PDZRN4: variants seen among roughly 807,000 people sequenced by gnomAD.
The protein encoded by PDZRN4 is PDZ domain-containing RING finger protein 4.
A neutral mutation model predicts 99.0 loss-of-function variants in PDZRN4; 70 were observed. The ratio of observed to expected loss-of-function variants is 0.71; its 90% CI spans 0.58 to 0.86. The LOEUF is 0.86. Ranked by LOEUF, PDZRN4 falls within the 40% of genes least tolerant of loss-of-function variation. The probability of loss-of-function intolerance (pLI) is 0.00; values close to 1 mark genes in which losing one functional copy is unlikely to be tolerated. For synonymous variants in PDZRN4, 551 were observed against 501.6 expected, an observed-to-expected ratio of 1.10 and a Z score of -1.32; for missense variants, 1,474 against 1,331.2, an observed-to-expected ratio of 1.11 and a Z score of -1.67.
chr12:41,285,367 GA>G (rs1250531775), intron 3 of PDZRN4, among the ~76,000 whole-genome samples: 2 of 152,184 alleles, frequency 1.3e-5, no homozygotes, highest in African/African-American at 4.8e-5. Context: ...AGAACCTGCA[GA>G]GGATGTGGAG....
At chr12:41,552,823 T>C in intron 6 of PDZRN4, 69 bp downstream of exon 6, 1 of 1,208,678 alleles carries the variant, frequency 8.3e-7, no homozygotes, top group East Asian at 2.4e-5. Context: ...TGACTCACAA[T>C]GAGAAAACCC....
chr12:41,316,717 C>A (rs1195324098), intron 3 of PDZRN4, among the ~76,000 whole-genome samples: 1 of 151,810 alleles, frequency 6.6e-6, no homozygotes, highest in African/African-American at 2.4e-5. Context: ...AATCCAATTA[C>A]CTCCTATAAA....
chr12:41,389,976 G>A (rs1020621248), intron 3 of PDZRN4, among the ~76,000 whole-genome samples: 6 of 152,116 alleles, frequency 3.9e-5, no homozygotes, highest in Admixed American at 6.6e-5. Context: ...AGGTAATGTC[G>A]AAAAGGACAG....
chr12:41,295,390 T>A (rs1392255630), intron 3 of PDZRN4, among the ~76,000 whole-genome samples: 1 of 152,072 alleles, frequency 6.6e-6, no homozygotes, highest in Admixed American at 6.6e-5. Flanking sequence ...TTGATTTAAC[T>A]CAAAGATAAA....
intron 4 of PDZRN4, among the ~76,000 whole-genome samples, chr12:41,507,268 A>G (rs555167868): frequency 6.6e-6 from 1 of 152,290 alleles, no homozygotes; most frequent in South Asian, 2.1e-4. Flanking sequence ...GTATAGTGCT[A>G]TCAAATAAAG....
chr12:41,307,794 G>A (rs947500144), intron 3 of PDZRN4, among the ~76,000 whole-genome samples: 18 of 151,818 alleles, frequency 1.2e-4, no homozygotes, highest in African/African-American at 3.9e-4. Flanking sequence ...TACTTTACAC[G>A]TACTGATACC....
intron 3 of PDZRN4, among the ~76,000 whole-genome samples, chr12:41,349,982 T>TA (rs895359136): frequency 5.9e-5 from 9 of 151,622 alleles, no homozygotes; most frequent in African/African-American, 1.2e-4. Flanking sequence ...GCAACACAAT[T>TA]AAAAAAAATG....
At chr12:41,565,531 C>A (rs1056409172) in intron 8 of PDZRN4, among the ~76,000 whole-genome samples, 5 of 141,568 alleles carry the variant, frequency 3.5e-5, no homozygotes, top group Non-Finnish European at 6.1e-5. Flanking sequence ...TTTTTTTTTG[C>A]GTGTGTATTT....
chr12:41,533,670 A>G (rs1938701752), intron 5 of PDZRN4, among the ~76,000 whole-genome samples: 2 of 152,106 alleles, frequency 1.3e-5, no homozygotes, highest in Non-Finnish European at 2.9e-5. Context: ...GAAGCTTCTA[A>G]TTACAGGTGT....
intron 3 of PDZRN4, among the ~76,000 whole-genome samples, chr12:41,233,524 A>G (rs1276382434): frequency 6.6e-6 from 1 of 152,150 alleles, no homozygotes; most frequent in East Asian, 1.9e-4. Context: ...AATAGCAAAG[A>G]CTTGGAACCA....
At chr12:41,413,220 G>A (rs35766123) in intron 3 of PDZRN4, 73,302 of 151,994 alleles carry the variant, frequency 0.48, 17,997 homozygotes, top group African/African-American at 0.58. Context: ...TCACAGCAAC[G>A]TGGATAGAAC....
rs961748853 is a variant in PDZRN4, at chr12:41,323,896, C to G, written c.843+129708C>G. ...TGAGTTAATATATTATTATTAAACT[C>G]AAACAGAAAACACGTTATAAAGATA... On this transcript the variant is annotated intron_variant, in intron 3 of 9. Coordinates refer to ENST00000402685, the MANE Select transcript of PDZRN4 (RefSeq NM_001164595.2). Among the ~76,000 whole-genome samples, 5 of 151,950 alleles carry G rather than the reference C, an allele frequency of 3.3e-5. 1 individual carries two copies. The highest frequency in any genetic ancestry group is 1.2e-4 in the African/African-American group (5 of 41,498).
At chr12:41,201,409 C>T (rs1316934072) in intron 3 of PDZRN4, among the ~76,000 whole-genome samples, 1 of 152,008 alleles carries the variant, frequency 6.6e-6, no homozygotes. Flanking sequence ...ACTTTCATAG[C>T]ATTTTCTTGT....
intron 3 of PDZRN4, among the ~76,000 whole-genome samples, chr12:41,382,361 C>T (rs115712839): frequency 1.6e-3 from 250 of 152,262 alleles, no homozygotes; most frequent in African/African-American, 5.2e-3. Flanking sequence ...AGTTTCCCTG[C>T]GCTGTGCATG....
intron 5 of PDZRN4, among the ~76,000 whole-genome samples, chr12:41,530,906 G>A (rs749599821): frequency 1.0e-3 from 155 of 152,004 alleles, no homozygotes; most frequent in Non-Finnish European, 1.8e-3. Flanking sequence ...GGTGTGGCTC[G>A]CTTCTTCAGT....
intron 3 of PDZRN4, among the ~76,000 whole-genome samples, chr12:41,273,991 CT>C (rs1951333228): frequency 1.3e-5 from 2 of 152,158 alleles, no homozygotes; most frequent in Middle Eastern, 3.4e-3. Context: ...TTCATTTTGT[CT>C]TTACTTTGTC....
At chr12:41,201,066 T>C (rs907651951) in intron 3 of PDZRN4, among the ~76,000 whole-genome samples, 1 of 152,044 alleles carries the variant, frequency 6.6e-6, no homozygotes, top group African/African-American at 2.4e-5. Context: ...GCTCCTTTGC[T>C]TAGGGGCCTT....
intron 3 of PDZRN4, among the ~76,000 whole-genome samples, chr12:41,316,427 T>C (rs1161963656): frequency 6.6e-6 from 1 of 151,072 alleles, no homozygotes; most frequent in African/African-American, 2.4e-5. Flanking sequence ...AGCTCTGAGA[T>C]CAGTATGATT....
intron 3 of PDZRN4, among the ~76,000 whole-genome samples, chr12:41,498,152 A>C (rs1043431065): frequency 1.3e-5 from 2 of 151,502 alleles, no homozygotes; most frequent in African/African-American, 4.8e-5. Flanking sequence ...TCTCTCTCTT[A>C]TCAAGTCATA....
Sources: allele counts gnomAD v4.1 joint callset (sites outside exome capture counted in the v4.1 genomes callset), GRCh38; gene constraint gnomAD v4.1.1; transcripts MANE v1.5; gene names NCBI Gene and HGNC (gene_info 2026-07-23, HGNC 2026-07-21).